The following ERFL variants were observed in gnomAD, a reference collection of about 807,000 sequenced individuals.
ERFL encodes the protein ETS domain-containing transcription factor ERF-like.
A neutral mutation model predicts 27.9 loss-of-function variants in ERFL; 8 were observed. The observed-to-expected ratio is 0.29, with a 90% CI of 0.17 to 0.52. The LOEUF is 0.52. ERFL is among the 20% of genes least tolerant of loss of function. The pLI, the probability that ERFL is intolerant of heterozygous loss-of-function variation, is 0.97. For missense variants in ERFL, 294 were observed against 444.4 expected (o/e 0.66, Z 3.04); for synonymous variants, 174 against 202.8 (o/e 0.86, Z 1.21).
Position 41,909,792 on chromosome 19 carries a change from G to GGTGCCC in ERFL, c.302+70_302+71insGGGCAC. On this transcript the variant is annotated intron_variant, in intron 3 of 5. Transcript: ENST00000597630. This position sits in a 1 kb window ranked among gnomAD's most constrained non-coding sequence, Gnocchi z 5.2. ...ATCCAGCAGGAACCTGCCCCAGGAT[G>GGTGCCC]CAGAGGGGGCACCAGAGGGACAGTT... The GGTGCCC allele has an allele frequency of 6.9e-7, 1 of 1,455,060 alleles. No individual in the cohort carries two copies. The highest frequency in any genetic ancestry group is 9.2e-7 in the Non-Finnish European group (1 of 1,082,526). 90.1% of individuals were successfully genotyped at this position (1,455,060 alleles called of 1,614,324 possible).
rs2074811295 is a variant in ERFL at position 41,917,852 on chromosome 19, G to A, written c.-13-4920C>T. On this transcript the variant is annotated intron_variant, in intron 1 of 5. Coordinates refer to ENST00000597630, the MANE Select transcript of ERFL (RefSeq NM_001365103.2). The surrounding 1 kb of genome is among the most constrained non-coding windows in gnomAD (Gnocchi z 4.8). ...GGACGGCTGCCAGCCCCACCCATCTGTTGCCACACAAACGAGCCCCCAACA... is the reference window on the plus strand; with the variant it reads ...GGACGGCTGCCAGCCCCACCCATCTATTGCCACACAAACGAGCCCCCAACA... Among the ~76,000 whole-genome samples, 1 of 151,840 alleles carries A rather than the reference G, an allele frequency of 6.6e-6. No homozygotes were observed. Among genetic ancestry groups the A allele is most frequent in the Non-Finnish European group, 1.5e-5 (1 of 67,962 alleles).
intron 1 of ERFL, among the ~76,000 whole-genome samples, chr19:41,915,654 T>C (rs2074796318): frequency 1.3e-5 from 2 of 152,026 alleles, no homozygotes; most frequent in Admixed American, 1.3e-4. Flanking sequence ...CCATGCCCCA[T>C]CTCCCTGTCT....
At chr19:41,911,526 C>T (rs1256506783) in intron 2 of ERFL, among the ~76,000 whole-genome samples, 1 of 152,208 alleles carries the variant, frequency 6.6e-6, no homozygotes. Flanking sequence ...AGGGTCCCAC[C>T]CAGGCTGCCT....
Position 41,914,580 on chromosome 19 carries a change from TCCCTCCCTTTCCACCATCTCTGTCTC to T in ERFL, c.-13-1674_-13-1649del, listed in dbSNP as rs1568831618. 5.2e-4 allele frequency among the ~76,000 whole-genome samples: 16 copies of T among 30,478 alleles called. 3 individuals are homozygous for T. The highest frequency in any genetic ancestry group is 2.1e-3 in the African/African-American group (16 of 7,706). 20.0% of individuals were successfully genotyped at this position (30,478 alleles called of 152,430 possible). A position where few individuals can be genotyped will look rare whatever the true frequency, so the allele number is the denominator to read the frequency against. On this transcript the variant is annotated intron_variant, in intron 1 of 5. Transcript: ENST00000597630. ...CTTCCACCATCTCTGTCTCCGTCTCTCCCTCCCTTTCCACCATCTCTGTCTCTCCCTCCCCTTCCACCATCTCTGTC... is the reference window on the plus strand; with the variant it reads ...CTTCCACCATCTCTGTCTCCGTCTCTTCCCTCCCCTTCCACCATCTCTGTC...
rs576333953 is a variant in ERFL at position 41,917,530 on chromosome 19, AT to A, written c.-13-4599del. ...ATCTGCACAATCGGAATGAAAATTG[AT>A]TTTTTTTTTAAATTTCATATCTTCT... On this transcript the variant is annotated intron_variant, in intron 1 of 5. Coordinates refer to ENST00000597630, the MANE Select transcript of ERFL (RefSeq NM_001365103.2). The surrounding 1 kb of genome is among the most constrained non-coding windows in gnomAD (Gnocchi z 4.8). Among the ~76,000 whole-genome samples, 419 of 138,490 alleles carry A rather than the reference AT, an allele frequency of 3.0e-3. 4 individuals carry two copies. The highest frequency in any genetic ancestry group is 9.4e-3 in the African/African-American group (352 of 37,254). The allele number at this position is 138,490 out of a possible 152,430, so 90.9% of individuals were successfully genotyped here.
chr19:41,920,075 T>A (rs76202082), intron 1 of ERFL, among the ~76,000 whole-genome samples: 3,044 of 99,780 alleles, frequency 0.031, 147 homozygotes, highest in African/African-American at 0.11. Context: ...TGTGACACAC[T>A]CACAGACATG....
At position 41,909,871 on chromosome 19, in the gene ERFL, C is replaced by T; in HGVS notation, c.294G>A (p.Arg98=). The stretch of plus-strand genomic sequence containing the variant: ...CCCAAGCCCTTCCTCACCGCAGGGC[C>T]CGGCTCAGCTTGTCGTAATTCATGT... ...KPHMNYDKLS[R]ALRYYYNKRI... Residue 98 remains arginine (R), a synonymous_variant, in exon 3 of 6, where the codon CGG becomes CGA. Transcript: ENST00000597630. This position sits in a 1 kb window ranked among gnomAD's most constrained non-coding sequence, Gnocchi z 5.2. 2 of 1,610,614 alleles carry T rather than the reference C, an allele frequency of 1.2e-6. No homozygotes were observed. Among genetic ancestry groups the T allele is most frequent in the Non-Finnish European group, 1.7e-6 (2 of 1,178,338 alleles).
In ERFL at chr19:41,909,166, G is replaced by A. The variant is rs760260644; in HGVS notation, c.510C>T (p.Thr170=). 4.7e-5 allele frequency: 58 copies of A among 1,231,806 alleles called. No homozygotes were observed. Among genetic ancestry groups the A allele is most frequent in the Non-Finnish European group, 5.6e-5 (55 of 988,170 alleles). The allele number at this position is 1,231,806 out of a possible 1,614,324, so 76.3% of individuals were successfully genotyped here. A position where few individuals can be genotyped will look rare whatever the true frequency, so the allele number is the denominator to read the frequency against. The change falls in exon 5 of 6, where the codon ACC becomes ACT. Residue 170 remains threonine (T), a synonymous_variant. Transcript: ENST00000597630. This position sits in a 1 kb window ranked among gnomAD's most constrained non-coding sequence, Gnocchi z 5.2. ...CTCCCAGGCGTGGGGCAGAGAACAG[G>A]GTTTGCAGGGTCTAGAGAGGGAGTG... The part of the protein sequence containing the change: ...APPLTPETLQ[T]LFSAPRLGEP...
intron 1 of ERFL, among the ~76,000 whole-genome samples, chr19:41,914,007 C>T (rs1303992118): frequency 1.3e-5 from 2 of 151,292 alleles, no homozygotes; most frequent in Non-Finnish European, 2.9e-5. Context: ...CCCCACTGCT[C>T]CCATGCGCCC....
At position 41,910,025 on chromosome 19, in the gene ERFL, A is replaced by C; in HGVS notation, c.140T>G (p.Phe47Cys). ...PGSRQIQLWH[F>C]ILELLQKEEY... is the part of the protein sequence containing the mutation. ...CTCCTTCTGCAGCAGCTCCAGGATA[A>C]AGTGCCACAGCTGGATCTGCCTCGA... The change falls in exon 3 of 6, where the codon TTT becomes TGT. Residue 47 changes from phenylalanine to cysteine, a missense_variant. Coordinates refer to ENST00000597630, the MANE Select transcript of ERFL (RefSeq NM_001365103.2). This position sits in a 1 kb window ranked among gnomAD's most constrained non-coding sequence, Gnocchi z 4.4. 1 of 1,613,648 alleles carries C rather than the reference A, an allele frequency of 6.2e-7. No homozygotes were observed.
intron 1 of ERFL, among the ~76,000 whole-genome samples, chr19:41,922,292 A>C (rs1343675490): frequency 3.3e-5 from 5 of 152,272 alleles, no homozygotes; most frequent in African/African-American, 1.2e-4. Flanking sequence ...CTCAGCAGGG[A>C]ATCAGGGAGA....
chr19:41,919,914 C>A (rs188629502), intron 1 of ERFL, among the ~76,000 whole-genome samples: 2 of 152,224 alleles, frequency 1.3e-5, no homozygotes, highest in East Asian at 3.9e-4. Flanking sequence ...ACACGTCACA[C>A]AGACATGACA....
intron 1 of ERFL, among the ~76,000 whole-genome samples, chr19:41,922,112 C>T (rs1338123970): frequency 3.3e-5 from 5 of 151,938 alleles, no homozygotes; most frequent in Admixed American, 6.5e-5. Context: ...AGAGCTGAAG[C>T]GGGGTGTGGT....
intron 1 of ERFL, among the ~76,000 whole-genome samples, chr19:41,922,871 T>C (rs2074850388): frequency 6.6e-6 from 1 of 152,206 alleles, no homozygotes; most frequent in African/African-American, 2.4e-5. Flanking sequence ...GATCGATCCC[T>C]GTCCCCAGCC....
At chr19:41,915,886 G>A (rs544129368) in intron 1 of ERFL, among the ~76,000 whole-genome samples, 25 of 152,276 alleles carry the variant, frequency 1.6e-4, no homozygotes, top group Non-Finnish European at 2.6e-4. Flanking sequence ...ATGGACAAAC[G>A]GCCCCAGCCC....
Position 41,908,241 on chromosome 19 carries a change from C to G in ERFL, c.1052G>C (p.Gly351Ala). The G allele has an allele frequency of 1.6e-6, 2 of 1,231,726 alleles. No individual in the cohort carries two copies. Among genetic ancestry groups the G allele is most frequent in the Non-Finnish European group, 1.0e-6 (1 of 987,980 alleles). 76.3% of individuals were successfully genotyped at this position (1,231,726 alleles called of 1,614,324 possible). Residue 351 changes from glycine to alanine, a missense_variant, in exon 6 of 6, where the codon GGG (glycine) becomes GCG (alanine). Transcript: ENST00000597630. The surrounding 1 kb of genome is among the most constrained non-coding windows in gnomAD (Gnocchi z 6.7). ...CCCCCTGCCGGCTCAGCTGCCGGTCCCCCCTTTGCCCGCCTTTGCCTTGGG... is the reference window on the plus strand; with the variant it reads ...CCCCCTGCCGGCTCAGCTGCCGGTCGCCCCTTTGCCCGCCTTTGCCTTGGG... ...APPKAKAGKG[G>A]TGS
chr19:41,917,616 C>A lies in ERFL; in HGVS notation c.-13-4684G>T, dbSNP rs911946624. 6.6e-6 allele frequency among the ~76,000 whole-genome samples: 1 copy of A among 151,950 alleles called. No individual in the cohort carries two copies. The highest frequency in any genetic ancestry group is 2.4e-5 in the African/African-American group (1 of 41,314). On this transcript the variant is annotated intron_variant, in intron 1 of 5. Coordinates refer to ENST00000597630, the MANE Select transcript of ERFL (RefSeq NM_001365103.2). The surrounding 1 kb of genome is among the most constrained non-coding windows in gnomAD (Gnocchi z 4.8). ...CTAAGACCCTTCTGCCACCGCCGCC[C>A]CCGCATGCACACACCATGCCCCAAA...
intron 1 of ERFL, among the ~76,000 whole-genome samples, chr19:41,915,187 C>G (rs1022603506): frequency 2.2e-5 from 3 of 136,284 alleles, no homozygotes; most frequent in Admixed American, 1.5e-4. Context: ...TTTCTCTTCC[C>G]GACGCTTTCA....
At position 41,909,203 on chromosome 19, in the gene ERFL, C is replaced by T. The variant is rs766115105; in HGVS notation, c.499-26G>A. On this transcript the variant is annotated intron_variant, in intron 4 of 5. Transcript: ENST00000597630. The surrounding 1 kb of genome is among the most constrained non-coding windows in gnomAD (Gnocchi z 5.2). ...CTAGAGAGGGAGTGGGAGAAGCCGC[C>T]CTTCTCAGACTGTCCCCTCCCCAGA... 1 of 1,230,752 alleles carries T rather than the reference C, an allele frequency of 8.1e-7. No individual in the cohort carries two copies. The highest frequency in any genetic ancestry group is 1.0e-6 in the Non-Finnish European group (1 of 987,164). The allele number at this position is 1,230,752 out of a possible 1,614,324, so 76.2% of individuals were successfully genotyped here. A position where few individuals can be genotyped will look rare whatever the true frequency, so the allele number is the denominator to read the frequency against.
Sources: allele counts gnomAD v4.1 joint callset (sites outside exome capture counted in the v4.1 genomes callset), GRCh38; gene constraint gnomAD v4.1.1; non-coding constraint Gnocchi (gnomAD v3.1); transcripts MANE v1.5; gene names NCBI Gene and HGNC (gene_info 2026-07-23, HGNC 2026-07-21).